B3GAT2: variants seen among roughly 807,000 people sequenced by gnomAD.
B3GAT2 encodes the protein galactosylgalactosylxylosylprotein 3-beta-glucuronosyltransferase 2.
B3GAT2 carries 26 observed loss-of-function variants against 27.8 expected under a neutral mutation model. The observed-to-expected ratio is 0.93, with a 90% CI of 0.68 to 1.30. The LOEUF is 1.30. Ranked by LOEUF, B3GAT2 falls within the 50% of genes most tolerant of loss-of-function variation. B3GAT2 has a pLI of 0.00. For synonymous variants in B3GAT2, 218 were observed against 195.1 expected (o/e 1.12, Z -0.98); for missense variants, 458 against 459.0 (o/e 1.00, Z 0.02).
chr6:70,934,344 T>C (rs1461434858), intron 1 of B3GAT2, among the ~76,000 whole-genome samples: 1 of 152,016 alleles, frequency 6.6e-6, no homozygotes, highest in African/African-American at 2.4e-5. Context: ...TGCTTCTCTC[T>C]CGCTCTGCCC....
chr6:70,951,347 T>A (rs1427343816), intron 1 of B3GAT2, among the ~76,000 whole-genome samples: 2 of 152,146 alleles, frequency 1.3e-5, no homozygotes, highest in Admixed American at 1.3e-4. Flanking sequence ...AGAGAAAATT[T>A]ACCAGCTTGT....
intron 2 of B3GAT2, among the ~76,000 whole-genome samples, chr6:70,885,581 G>A (rs953782873): frequency 5.3e-5 from 8 of 152,040 alleles, no homozygotes; most frequent in East Asian, 1.9e-4. Flanking sequence ...AGGTCCACCC[G>A]CCAGAAGAGA....
chr6:70,860,124 C>T lies in B3GAT2; in HGVS notation c.*1539G>A. 6.8e-7 allele frequency: 1 copy of T among 1,469,514 alleles called. No homozygotes were observed. The highest frequency in any genetic ancestry group is 9.1e-7 in the Non-Finnish European group (1 of 1,103,720). The allele number at this position is 1,469,514 out of a possible 1,614,324, so 91.0% of individuals were successfully genotyped here. On this transcript the variant is annotated 3_prime_UTR_variant, in exon 4 of 4. Transcript: ENST00000230053. ...AGTTGTCACATTAATGAAAAAATGA[C>T]CAACTGTGTGGCTAAAGAAACAAGA... is the stretch of plus-strand genomic sequence containing the variant.
chr6:70,857,086 A>G lies in B3GAT2; in HGVS notation c.*4577T>C. ...CATTACTAGAAGTACATCCTTTGTA[A>G]TTATATAATAAGATCAATTATATAT... On this transcript the variant is annotated 3_prime_UTR_variant, in exon 4 of 4. Transcript: ENST00000230053. 1.4e-6 allele frequency: 2 copies of G among 1,461,908 alleles called. No individual in the cohort carries two copies. Among genetic ancestry groups the G allele is most frequent in the East Asian group, 2.3e-5 (1 of 43,266 alleles). 90.6% of individuals were successfully genotyped at this position (1,461,908 alleles called of 1,614,324 possible).
At chr6:70,911,217 T>C (rs1445492159) in intron 1 of B3GAT2, among the ~76,000 whole-genome samples, 1 of 152,168 alleles carries the variant, frequency 6.6e-6, no homozygotes, top group Non-Finnish European at 1.5e-5. Context: ...GGCATCTTCA[T>C]CATGAAATCT....
intron 1 of B3GAT2, among the ~76,000 whole-genome samples, chr6:70,929,654 T>C (rs1437716050): frequency 6.6e-6 from 1 of 152,156 alleles, no homozygotes; most frequent in African/African-American, 2.4e-5. Flanking sequence ...GAAGGACCTC[T>C]TCAAGGAGAA....
At position 70,857,241 on chromosome 6, in the gene B3GAT2, A is replaced by C; in HGVS notation, c.*4422T>G. On this transcript the variant is annotated 3_prime_UTR_variant, in exon 4 of 4. Coordinates refer to ENST00000230053, the MANE Select transcript of B3GAT2 (RefSeq NM_080742.3). ...GATTCACAGAACTTTATTTGGAATT[A>C]ACAAGCTGTTCATAGATCACTAAAT... The C allele has an allele frequency of 1.5e-5, 6 of 413,552 alleles. No individual in the cohort carries two copies. Among genetic ancestry groups the C allele is most frequent in the Non-Finnish European group, 2.5e-5 (6 of 235,812 alleles). 25.6% of individuals were successfully genotyped at this position (413,552 alleles called of 1,614,324 possible). A position where few individuals can be genotyped will look rare whatever the true frequency, so the allele number is the denominator to read the frequency against.
intron 1 of B3GAT2, among the ~76,000 whole-genome samples, chr6:70,903,893 C>A (rs1356448335): frequency 1.3e-5 from 2 of 151,982 alleles, no homozygotes; most frequent in Non-Finnish European, 1.5e-5. Flanking sequence ...GTATTTACTG[C>A]AGAGAAATGA....
intron 1 of B3GAT2, among the ~76,000 whole-genome samples, chr6:70,930,559 C>CAGTT (rs1773044560): frequency 3.3e-5 from 5 of 150,342 alleles, no homozygotes; most frequent in Non-Finnish European, 6.0e-5. Context: ...TCTCAAAAGA[C>CAGTT]ATGCAGCCAA....
rs770716844 is a variant in B3GAT2, at chr6:70,858,231, TA to T, written c.*3431del. 1 of 1,604,128 alleles carries T rather than the reference TA, an allele frequency of 6.2e-7. No homozygotes were observed. The highest frequency in any genetic ancestry group is 8.5e-7 in the Non-Finnish European group (1 of 1,175,190). On this transcript the variant is annotated 3_prime_UTR_variant, in exon 4 of 4. Coordinates refer to ENST00000230053, the MANE Select transcript of B3GAT2 (RefSeq NM_080742.3). ...CAGCCCCAGTGGAGCCTCTCACAGG[TA>T]GGGGTCATTTACTTTCTAGCTTCTC... is the stretch of plus-strand genomic sequence containing the variant.
rs551612288 is a variant in B3GAT2, at chr6:70,904,928, TA to T, written c.592-10657del. ...CAAGTGGTCAAGTTTGGCATCACCA[TA>T]AAAAAAAATGACCTGGCAATATATG... On this transcript the variant is annotated intron_variant, in intron 1 of 3. Coordinates refer to ENST00000230053, the MANE Select transcript of B3GAT2 (RefSeq NM_080742.3). 5.8e-3 allele frequency among the ~76,000 whole-genome samples: 876 copies of T among 151,078 alleles called. 5 individuals carry two copies. Among genetic ancestry groups the T allele is most frequent in the Middle Eastern group, 0.041 (12 of 294 alleles).
At position 70,955,881 on chromosome 6, in the gene B3GAT2, G is replaced by A. The variant is rs755195344; in HGVS notation, c.549C>T (p.Phe183=). 6.9e-5 allele frequency: 110 copies of A among 1,605,502 alleles called. No homozygotes were observed. Among genetic ancestry groups the A allele is most frequent in the Non-Finnish European group, 8.8e-5 (103 of 1,176,918 alleles). The change falls in exon 1 of 4, where the codon TTC becomes TTT. Residue 183 remains phenylalanine (F), a synonymous_variant. Coordinates refer to ENST00000230053, the MANE Select transcript of B3GAT2 (RefSeq NM_080742.3). ...HQRAQPGVLF[F]ADDDNTYSLE... ...GACTATAGGTGTTGTCGTCGTCAGC[G>A]AAGAAGAGCACGCCGGGCTGCGCGC...
At chr6:70,934,973 T>C (rs1020570433) in intron 1 of B3GAT2, among the ~76,000 whole-genome samples, 8 of 152,210 alleles carry the variant, frequency 5.3e-5, no homozygotes, top group Admixed American at 3.9e-4. Context: ...AAGTCAGTCC[T>C]GAAGCTTTTC....
chr6:70,868,661 C>T (rs1291300020), intron 2 of B3GAT2, among the ~76,000 whole-genome samples: 1 of 152,160 alleles, frequency 6.6e-6, no homozygotes, highest in Non-Finnish European at 1.5e-5. Flanking sequence ...GAGTATTGGG[C>T]TCTTGACACA....
intron 1 of B3GAT2, among the ~76,000 whole-genome samples, chr6:70,943,015 T>G (rs1765418872): frequency 6.6e-6 from 1 of 152,148 alleles, no homozygotes; most frequent in Admixed American, 6.6e-5. Flanking sequence ...AAATAGTGTT[T>G]AAAGTTCTCT....
intron 1 of B3GAT2, among the ~76,000 whole-genome samples, chr6:70,949,851 A>T (rs1440856260): frequency 6.6e-6 from 1 of 151,758 alleles, no homozygotes; most frequent in East Asian, 1.9e-4. Flanking sequence ...TGGCATATAT[A>T]CACCATGGAA....
At chr6:70,939,808 TG>T (rs1765358805) in intron 1 of B3GAT2, among the ~76,000 whole-genome samples, 1 of 151,994 alleles carries the variant, frequency 6.6e-6, no homozygotes, top group Non-Finnish European at 1.5e-5. Flanking sequence ...GACTAGTTAA[TG>T]GGTGCAGCAC....
intron 1 of B3GAT2, among the ~76,000 whole-genome samples, chr6:70,937,418 C>A (rs1765308750): frequency 6.6e-6 from 1 of 151,900 alleles, no homozygotes. Context: ...CAGCATCATC[C>A]TGATACCAAA....
intron 1 of B3GAT2, among the ~76,000 whole-genome samples, chr6:70,897,470 C>T (rs494314): frequency 0.1 from 15,218 of 151,624 alleles, 1,503 homozygotes; most frequent in East Asian, 0.28. Flanking sequence ...TGCACGGTGG[C>T]TCATGCCTGT....
Sources: gnomAD v4.1 joint callset for allele counts (sites outside exome capture counted in the v4.1 genomes callset) on GRCh38, gnomAD v4.1.1 for gene constraint, MANE v1.5 for transcripts, NCBI Gene and HGNC (gene_info 2026-07-23, HGNC 2026-07-21) for gene names.